TMTC1: variants seen among roughly 807,000 people sequenced by gnomAD.
TMTC1 encodes the protein protein O-mannosyl-transferase TMTC1.
In TMTC1, 73 loss-of-function variants were observed where a neutral mutation model predicts 104.8. The observed-to-expected ratio is 0.70, with a 90% CI of 0.58 to 0.85. The LOEUF (loss-of-function observed/expected upper bound fraction) is 0.85, where lower values mean the gene tolerates loss of function less well. Ranked by LOEUF, TMTC1 falls within the 40% of genes least tolerant of loss-of-function variation. TMTC1 has a pLI of 0.00. For missense variants in TMTC1, 1,035 were observed against 1,096.1 expected (o/e 0.94, Z 0.79); for synonymous variants, 434 against 428.7 (o/e 1.01, Z -0.15).
At chr12:29,740,992 T>A (rs1274242192) in intron 5 of TMTC1, among the ~76,000 whole-genome samples, 1 of 152,172 alleles carries the variant, frequency 6.6e-6, no homozygotes, top group African/African-American at 2.4e-5. Flanking sequence ...TTTTAAAAGT[T>A]TTGCTCTCGC....
At position 29,755,748 on chromosome 12, in the gene TMTC1, A is replaced by ACCAAGCACACT. The variant is rs757807983; in HGVS notation, c.681_691dup (p.Val231GlufsTer85). ...GTTGGAAAGGGAAAAGAGGTCATAA[A>ACCAAGCACACT]CCAAGCACACTCCAAACACCGTGAT... On this transcript the variant is annotated frameshift_variant, in exon 4 of 18. Transcript: ENST00000539277. LOFTEE classifies it high-confidence loss of function. 1 of 1,614,020 alleles carries ACCAAGCACACT rather than the reference A, an allele frequency of 6.2e-7. No homozygotes were observed. Among genetic ancestry groups the ACCAAGCACACT allele is most frequent in the African/African-American group, 1.3e-5 (1 of 74,912 alleles).
At chr12:29,680,373 G>T (rs1208798155) in intron 5 of TMTC1, among the ~76,000 whole-genome samples, 3 of 152,186 alleles carry the variant, frequency 2.0e-5, no homozygotes, top group Non-Finnish European at 2.9e-5. Flanking sequence ...AAAAGCTCTT[G>T]AACAAATGGC....
intron 10 of TMTC1, among the ~76,000 whole-genome samples, chr12:29,540,186 G>A (rs760904306): frequency 5.3e-5 from 8 of 152,058 alleles, no homozygotes; most frequent in Non-Finnish European, 8.8e-5. Flanking sequence ...TGCCTCTTGC[G>A]AGGGGGGATC....
chr12:29,578,560 A>T (rs1300623569), intron 8 of TMTC1, among the ~76,000 whole-genome samples: 2 of 152,208 alleles, frequency 1.3e-5, no homozygotes, highest in East Asian at 3.9e-4. Context: ...AATAATTACA[A>T]CAGTGATTAT....
chr12:29,773,303 AG>A (rs1943635704), intron 1 of TMTC1, among the ~76,000 whole-genome samples: 1 of 152,176 alleles, frequency 6.6e-6, no homozygotes, highest in Non-Finnish European at 1.5e-5. Context: ...GTGGAGAGAA[AG>A]GGAGAAGAAA....
chr12:29,753,360 C>T (rs1184399152), intron 4 of TMTC1, among the ~76,000 whole-genome samples: 1 of 152,206 alleles, frequency 6.6e-6, no homozygotes, highest in African/African-American at 2.4e-5. Flanking sequence ...GAGCAGCAGA[C>T]GTCCTGCGAG....
intron 10 of TMTC1, among the ~76,000 whole-genome samples, chr12:29,554,313 C>T (rs898538878): frequency 6.6e-6 from 1 of 151,792 alleles, no homozygotes; most frequent in African/African-American, 2.4e-5. Context: ...ATTTTTTCCA[C>T]CACAGTTGTA....
intron 5 of TMTC1, among the ~76,000 whole-genome samples, chr12:29,709,525 C>T (rs962301666): frequency 6.6e-6 from 1 of 151,840 alleles, no homozygotes; most frequent in Non-Finnish European, 1.5e-5. Flanking sequence ...TTCCATGTTC[C>T]ACTTTTAAAA....
chr12:29,691,087 A>T (rs1429385496), intron 5 of TMTC1, among the ~76,000 whole-genome samples: 1 of 152,194 alleles, frequency 6.6e-6, no homozygotes, highest in Non-Finnish European at 1.5e-5. Flanking sequence ...CCTTTGTAGG[A>T]CTAACAGATC....
intron 6 of TMTC1, among the ~76,000 whole-genome samples, chr12:29,621,505 T>G (rs188303340): frequency 5.3e-5 from 8 of 152,356 alleles, no homozygotes; most frequent in Admixed American, 5.2e-4. Context: ...CCTTGTTCTT[T>G]TTTTAAAAAA....
chr12:29,720,861 C>T (rs530766859), intron 5 of TMTC1, among the ~76,000 whole-genome samples: 23 of 152,206 alleles, frequency 1.5e-4, no homozygotes, highest in Admixed American at 7.9e-4. Context: ...CAACTACCAA[C>T]ATGAAAATGC....
rs1471646565 is a variant in TMTC1, at chr12:29,520,681, T to A, written c.1825A>T (p.Ile609Leu). The part of the protein sequence containing the change: ...KEAEEIYQTG[I>L]KNCPDSSDLH... The stretch of plus-strand genomic sequence containing the variant: ...TCTGAGCTGTCTGGACAGTTCTTTA[T>A]TCCAGTTTGGTATATTTCTTCAGCT... Residue 609 changes from isoleucine (I) to leucine (L), a missense_variant, in exon 12 of 18, where the codon ATA (isoleucine) becomes TTA (leucine). Transcript: ENST00000539277. 1.2e-6 allele frequency: 2 copies of A among 1,613,470 alleles called. No homozygotes were observed. Among genetic ancestry groups the A allele is most frequent in the Non-Finnish European group, 1.7e-6 (2 of 1,179,902 alleles).
intron 5 of TMTC1, among the ~76,000 whole-genome samples, chr12:29,676,273 T>A (rs1204396510): frequency 6.6e-6 from 1 of 152,252 alleles, no homozygotes; most frequent in Non-Finnish European, 1.5e-5. Flanking sequence ...AGTTTTCCTA[T>A]TTTATGTAAC....
chr12:29,759,952 T>G (rs1041579871), intron 2 of TMTC1, among the ~76,000 whole-genome samples: 1 of 152,120 alleles, frequency 6.6e-6, no homozygotes, highest in Admixed American at 6.6e-5. Context: ...AATAACAACT[T>G]TCAGGTCAAC....
At chr12:29,688,907 G>A (rs933562086) in intron 5 of TMTC1, among the ~76,000 whole-genome samples, 4 of 151,750 alleles carry the variant, frequency 2.6e-5, no homozygotes, top group African/African-American at 9.7e-5. Flanking sequence ...AACATTTCCT[G>A]TCCTCCCTGG....
chr12:29,628,197 C>T (rs1415863423), intron 6 of TMTC1, among the ~76,000 whole-genome samples: 1 of 152,144 alleles, frequency 6.6e-6, no homozygotes, highest in Non-Finnish European at 1.5e-5. Context: ...TATCTTATCT[C>T]AACTTAATTA....
At chr12:29,545,629 TCACACACA>T (rs55958433) in intron 10 of TMTC1, among the ~76,000 whole-genome samples, 93 of 73,576 alleles carry the variant, frequency 1.3e-3, no homozygotes, top group African/African-American at 2.2e-3. Context: ...CAAGACTCTG[TCACACACA>T]CACACACACA....
intron 5 of TMTC1, among the ~76,000 whole-genome samples, chr12:29,727,336 G>A (rs1317905100): frequency 6.6e-6 from 1 of 152,082 alleles, no homozygotes; most frequent in African/African-American, 2.4e-5. Flanking sequence ...GAACTTGGGG[G>A]ACCAAAACCC....
intron 8 of TMTC1, among the ~76,000 whole-genome samples, chr12:29,575,943 A>T (rs1945811273): frequency 1.3e-5 from 2 of 152,122 alleles, no homozygotes; most frequent in African/African-American, 4.8e-5. Flanking sequence ...CCGTCGTAAC[A>T]GTTGTGGGGT....
Sources: gnomAD v4.1 joint callset for allele counts (sites outside exome capture counted in the v4.1 genomes callset) on GRCh38, gnomAD v4.1.1 for gene constraint, MANE v1.5 for transcripts, NCBI Gene and HGNC (gene_info 2026-07-23, HGNC 2026-07-21) for gene names.